Variants in PITPNC1 observed in about 807,000 individuals in gnomAD.
The protein encoded by PITPNC1 is phosphatidylinositol transfer protein cytoplasmic 1, also known as cytoplasmic phosphatidylinositol transfer protein 1.
PITPNC1 carries 18 observed loss-of-function variants against 44.7 expected under a neutral mutation model. The observed-to-expected ratio is 0.40, with a 90% CI of 0.28 to 0.60. The LOEUF is 0.60. Among genes scored for constraint, PITPNC1 ranks in the 20% least tolerant of loss-of-function variants. PITPNC1 has a pLI of 0.39. For missense variants in PITPNC1, 290 were observed against 418.4 expected (o/e 0.69, Z 2.68); for synonymous variants, 141 against 149.6 (o/e 0.94, Z 0.42).
intron 4 of PITPNC1, among the ~76,000 whole-genome samples, chr17:67,563,510 A>G (rs953074105): frequency 3.9e-5 from 6 of 152,172 alleles, no homozygotes; most frequent in African/African-American, 1.4e-4. Flanking sequence ...TGGGCTGGTA[A>G]ACAAGAATAA....
chr17:67,447,713 A>G (rs980492393), intron 1 of PITPNC1, among the ~76,000 whole-genome samples: 2 of 151,894 alleles, frequency 1.3e-5, no homozygotes, highest in African/African-American at 4.8e-5. Context: ...CCCTGCTTGG[A>G]GTCAGCAGAG....
At chr17:67,641,888 A>G (rs2042097465) in intron 6 of PITPNC1, among the ~76,000 whole-genome samples, 1 of 151,922 alleles carries the variant, frequency 6.6e-6, no homozygotes, top group South Asian at 2.1e-4. Context: ...GGGTGTTTCC[A>G]TTCTTATTAT....
intron 1 of PITPNC1, among the ~76,000 whole-genome samples, chr17:67,440,745 C>T (rs531672226): frequency 6.6e-6 from 1 of 151,426 alleles, no homozygotes. Flanking sequence ...AGGGGTCTTG[C>T]CATGTTACCC....
In PITPNC1 at chr17:67,446,059, G is replaced by A. The variant is rs1303755931; in HGVS notation, c.48+67857G>A. On this transcript the variant is annotated intron_variant, in intron 1 of 8. Transcript: ENST00000581322. ...CCTCCCGGGTTCAGGCAATTCTCCT[G>A]CCTCAGCCTCCCAAGTAGCTGGGAT... Among the ~76,000 whole-genome samples the A allele has an allele frequency of 2.6e-5, 4 of 151,930 alleles. No individual in the cohort carries two copies. The East Asian group carries it at 5.8e-4, about 22-fold the overall frequency.
chr17:67,513,724 G>A (rs997089922), intron 1 of PITPNC1, among the ~76,000 whole-genome samples: 2 of 151,910 alleles, frequency 1.3e-5, no homozygotes, highest in Non-Finnish European at 2.9e-5. Context: ...GACCAAGAAG[G>A]CTTGCAGGAA....
At chr17:67,397,659 A>G (rs1450006260) in intron 1 of PITPNC1, among the ~76,000 whole-genome samples, 6 of 152,174 alleles carry the variant, frequency 3.9e-5, no homozygotes, top group Admixed American at 6.6e-5. Context: ...ACACTGGCTC[A>G]GACCGGAGGA....
chr17:67,484,552 A>G (rs1182818581), intron 1 of PITPNC1, among the ~76,000 whole-genome samples: 1 of 152,200 alleles, frequency 6.6e-6, no homozygotes, highest in African/African-American at 2.4e-5. Context: ...TGGAGCCCTA[A>G]CTTAGAACTT....
In PITPNC1 at chr17:67,409,162, G is replaced by A. The variant is rs183354383; in HGVS notation, c.48+30960G>A. On this transcript the variant is annotated intron_variant, in intron 1 of 8. Coordinates refer to ENST00000581322, the MANE Select transcript of PITPNC1 (RefSeq NM_012417.4). ...TGCAGTGGCGCAATCTCGGCTCACT[G>A]CAAGCTCCGCTTCCCGGGTTCACGC... Among the ~76,000 whole-genome samples, 576 of 138,370 alleles carry A rather than the reference G, an allele frequency of 4.2e-3. 5 individuals are homozygous for A. The highest frequency in any genetic ancestry group is 0.015 in the African/African-American group (542 of 36,800). The allele number at this position is 138,370 out of a possible 152,430, so 90.8% of individuals were successfully genotyped here.
intron 4 of PITPNC1, among the ~76,000 whole-genome samples, chr17:67,559,895 CAAAA>C (rs963757189): frequency 6.6e-6 from 1 of 151,942 alleles, no homozygotes; most frequent in Non-Finnish European, 1.5e-5. Flanking sequence ...AATAAACAAA[CAAAA>C]AAACCCAAAA....
intron 1 of PITPNC1, among the ~76,000 whole-genome samples, chr17:67,399,427 G>A (rs892793269): frequency 1.3e-5 from 2 of 152,104 alleles, no homozygotes; most frequent in Non-Finnish European, 2.9e-5. Context: ...AACCACTACT[G>A]CACTGTGCAT....
intron 5 of PITPNC1, among the ~76,000 whole-genome samples, chr17:67,621,222 T>TTTTATTTTATTTTATTTTA (rs2041825574): frequency 2.0e-5 from 3 of 150,772 alleles, no homozygotes; most frequent in Non-Finnish European, 4.4e-5. Context: ...TTTTATTTTA[T>TTTTATTTTATTTTATTTTA]TTTAAGACAA....
At chr17:67,381,657 G>A (rs1429515450) in intron 1 of PITPNC1, among the ~76,000 whole-genome samples, 1 of 151,574 alleles carries the variant, frequency 6.6e-6, no homozygotes, top group Admixed American at 6.6e-5. Context: ...TAGTAGAGAC[G>A]GGGTTTCACC....
chr17:67,532,998 AC>A (rs775003275), intron 2 of PITPNC1, 48 bp downstream of exon 2: 56 of 1,517,322 alleles, frequency 3.7e-5, no homozygotes, highest in Non-Finnish European at 4.9e-5. Flanking sequence ...CTCCCACCTG[AC>A]CCCATGGTGT....
At chr17:67,505,196 T>C (rs1253931574) in intron 1 of PITPNC1, among the ~76,000 whole-genome samples, 3 of 152,176 alleles carry the variant, frequency 2.0e-5, no homozygotes, top group African/African-American at 4.8e-5. Context: ...TTCTGCTGTG[T>C]TGAGTGATGT....
At chr17:67,490,503 A>T (rs2039849916) in intron 1 of PITPNC1, among the ~76,000 whole-genome samples, 1 of 151,932 alleles carries the variant, frequency 6.6e-6, no homozygotes, top group Admixed American at 6.6e-5. Flanking sequence ...ATTGATGGGG[A>T]GTGAGGAGGC....
rs1004190750 is a variant in PITPNC1 at position 67,377,945 on chromosome 17, C to T, written c.-210C>T. On this transcript the variant is annotated 5_prime_UTR_variant, in exon 1 of 9. Coordinates refer to ENST00000581322, the MANE Select transcript of PITPNC1 (RefSeq NM_012417.4). ...GGACCGGCCTCGGCGAGGGAGGAGG[C>T]GGGGGAGCTGCGAACACCCAGACCC... 10 of 411,494 alleles carry T rather than the reference C, an allele frequency of 2.4e-5. No homozygotes were observed. The highest frequency in any genetic ancestry group is 4.3e-5 in the Non-Finnish European group (10 of 234,448). 25.5% of individuals were successfully genotyped at this position (411,494 alleles called of 1,614,324 possible). A position where few individuals can be genotyped will look rare whatever the true frequency, so the allele number is the denominator to read the frequency against.
At chr17:67,622,651 A>T (rs1341795379) in intron 5 of PITPNC1, among the ~76,000 whole-genome samples, 1 of 151,804 alleles carries the variant, frequency 6.6e-6, no homozygotes, top group Non-Finnish European at 1.5e-5. Context: ...AGGCTGAGGC[A>T]GTTGGATCAC....
chr17:67,665,084 TTTTGTTTG>T (rs148943727), intron 6 of PITPNC1, among the ~76,000 whole-genome samples: 20 of 151,244 alleles, frequency 1.3e-4, no homozygotes, highest in Admixed American at 2.6e-4. Flanking sequence ...TTTTTTGGGG[TTTTGTTTG>T]TTTGTTTGTT....
chr17:67,461,559 C>T (rs914971770), intron 1 of PITPNC1, among the ~76,000 whole-genome samples: 1 of 152,198 alleles, frequency 6.6e-6, no homozygotes. Context: ...AACCACAGTG[C>T]AGTCTGGTGA....
Sources: gnomAD v4.1 joint callset for allele counts (sites outside exome capture counted in the v4.1 genomes callset) on GRCh38, gnomAD v4.1.1 for gene constraint, MANE v1.5 for transcripts, NCBI Gene and HGNC (gene_info 2026-07-23, HGNC 2026-07-21) for gene names.